The following DLG2 variants were observed in gnomAD, a reference collection of about 807,000 sequenced individuals.
DLG2 encodes the protein discs large MAGUK scaffold protein 2.
DLG2 carries 45 observed loss-of-function variants against 132.5 expected under a neutral mutation model. That is an observed-to-expected ratio of 0.34 (90% confidence interval 0.27 to 0.44). The LOEUF (loss-of-function observed/expected upper bound fraction) is 0.44, where lower values mean the gene tolerates loss of function less well. DLG2 is among the 20% of genes least tolerant of loss of function. The pLI is 1.00. For synonymous variants in DLG2, 424 were observed against 419.6 expected, an observed-to-expected ratio of 1.01 and a Z score of -0.13; for missense variants, 1,045 against 1,196.9, an observed-to-expected ratio of 0.87 and a Z score of 1.87.
intron 11 of DLG2, among the ~76,000 whole-genome samples, chr11:83,983,886 G>C (rs895598555): frequency 1.3e-5 from 2 of 152,014 alleles, no homozygotes; most frequent in Admixed American, 6.6e-5. Context: ...AAATAGGGAA[G>C]TTTTAAAAAA....
At chr11:83,797,256 A>G (rs2043064606) in intron 17 of DLG2, among the ~76,000 whole-genome samples, 1 of 152,088 alleles carries the variant, frequency 6.6e-6, no homozygotes, top group Admixed American at 6.5e-5. Context: ...GATGATGATG[A>G]TGGTGATGAT....
intron 11 of DLG2, among the ~76,000 whole-genome samples, chr11:84,033,252 T>C (rs1389705102): frequency 6.6e-6 from 1 of 152,194 alleles, no homozygotes; most frequent in Non-Finnish European, 1.5e-5. Context: ...ATTAGGAAGA[T>C]TCATGATTCA....
rs529189295 is a variant in DLG2, at chr11:84,381,127, TA to T, written c.520-129837del. ...GCTTTTCTCTACCAAATTTGAAAAT[TA>T]AAAAAAATGACAAATTTCCTGACAA... On this transcript the variant is annotated intron_variant, in intron 7 of 27. Transcript: ENST00000376104. Among the ~76,000 whole-genome samples, 45 of 151,772 alleles carry T rather than the reference TA, an allele frequency of 3.0e-4. No individual in the cohort carries two copies. The South Asian group carries it at 8.7e-3, about 29-fold the overall frequency.
intron 6 of DLG2, among the ~76,000 whole-genome samples, chr11:84,980,346 T>C (rs1485369288): frequency 2.6e-5 from 4 of 152,130 alleles, no homozygotes. Context: ...TCACCAAGAA[T>C]AAGGCCTATC....
chr11:85,508,939 T>G (rs1170521059), intron 3 of DLG2, among the ~76,000 whole-genome samples: 1 of 152,112 alleles, frequency 6.6e-6, no homozygotes, highest in Non-Finnish European at 1.5e-5. Flanking sequence ...TATGTTGATG[T>G]TGAAGCATAT....
At chr11:85,174,636 G>A (rs1207102090) in intron 4 of DLG2, among the ~76,000 whole-genome samples, 1 of 152,098 alleles carries the variant, frequency 6.6e-6, no homozygotes, top group Non-Finnish European at 1.5e-5. Flanking sequence ...TAAGGAGACA[G>A]AGACATGAAA....
intron 3 of DLG2, among the ~76,000 whole-genome samples, chr11:85,489,024 A>C (rs1309232459): frequency 6.6e-6 from 1 of 152,198 alleles, no homozygotes; most frequent in African/African-American, 2.4e-5. Flanking sequence ...TAAATAATTT[A>C]GAAAACAACC....
chr11:83,871,254 C>T (rs2063384151), intron 16 of DLG2, among the ~76,000 whole-genome samples: 1 of 152,146 alleles, frequency 6.6e-6, no homozygotes, highest in Non-Finnish European at 1.5e-5. Flanking sequence ...TATTATTCTT[C>T]CTCATTTTGT....
chr11:85,518,634 A>C (rs1319431228), intron 3 of DLG2, among the ~76,000 whole-genome samples: 2 of 152,242 alleles, frequency 1.3e-5, no homozygotes, highest in African/African-American at 4.8e-5. Context: ...TTCTGAGGAT[A>C]AATTCAAGCT....
At chr11:85,370,176 C>T (rs891387299) in intron 3 of DLG2, among the ~76,000 whole-genome samples, 4 of 152,076 alleles carry the variant, frequency 2.6e-5, no homozygotes, top group Admixed American at 6.5e-5. Context: ...AGTTAGCACA[C>T]AATTAAAGCA....
intron 7 of DLG2, among the ~76,000 whole-genome samples, chr11:84,391,246 ATAT>A (rs2098791683): frequency 6.6e-6 from 1 of 152,212 alleles, no homozygotes; most frequent in Non-Finnish European, 1.5e-5. Flanking sequence ...TCTTGACGAT[ATAT>A]TATTAAGTGA....
chr11:84,120,431 A>G (rs897978034), intron 9 of DLG2, among the ~76,000 whole-genome samples: 1 of 152,204 alleles, frequency 6.6e-6, no homozygotes, highest in African/African-American at 2.4e-5. Flanking sequence ...CACCGGTAGT[A>G]ATTTAGCATT....
intron 2 of DLG2, among the ~76,000 whole-genome samples, chr11:85,601,801 T>C (rs2080181850): frequency 6.6e-6 from 1 of 152,198 alleles, no homozygotes; most frequent in Non-Finnish European, 1.5e-5. Flanking sequence ...CTCAATCACA[T>C]TTATTAGTTC....
chr11:85,229,088 T>C (rs1235635530), intron 4 of DLG2, among the ~76,000 whole-genome samples: 1 of 151,882 alleles, frequency 6.6e-6, no homozygotes, highest in Admixed American at 6.6e-5. Flanking sequence ...ACATCACATA[T>C]AAGAACCTTA....
intron 4 of DLG2, among the ~76,000 whole-genome samples, chr11:85,164,165 C>G (rs1190235210): frequency 6.6e-6 from 1 of 152,158 alleles, no homozygotes; most frequent in East Asian, 1.9e-4. Context: ...AACTCTCTTT[C>G]TGACACAAAT....
At chr11:83,499,852 G>T (rs10792685) in intron 21 of DLG2, among the ~76,000 whole-genome samples, 4,565 of 59,194 alleles carry the variant, frequency 0.077, 216 homozygotes, top group East Asian at 0.13. Context: ...ACTAATAGGA[G>T]ATATATATAT....
intron 9 of DLG2, among the ~76,000 whole-genome samples, chr11:84,122,311 C>T (rs571460675): frequency 6.6e-6 from 1 of 152,272 alleles, no homozygotes; most frequent in East Asian, 1.9e-4. Context: ...CAGAGCTAGA[C>T]TTCATCTCAA....
chr11:83,837,653 G>T (rs2154008914), intron 16 of DLG2, among the ~76,000 whole-genome samples: 1 of 118,128 alleles, frequency 8.5e-6, no homozygotes, highest in African/African-American at 3.3e-5. Context: ...ACTTGGGGCT[G>T]TTTTTGTCTG....
chr11:83,469,429 T>G (rs1189094817), intron 24 of DLG2, 56 bp from the exon 25 acceptor site: 1 of 1,363,090 alleles, frequency 7.3e-7, no homozygotes, highest in Non-Finnish European at 1.0e-6. Flanking sequence ...TAAACTTGCT[T>G]TACACCTATA....
Sources: allele counts gnomAD v4.1 joint callset (sites outside exome capture counted in the v4.1 genomes callset), GRCh38; gene constraint gnomAD v4.1.1; transcripts MANE v1.5; gene names NCBI Gene and HGNC (gene_info 2026-07-23, HGNC 2026-07-21).